SLC4A4: variants seen among roughly 807,000 people sequenced by gnomAD.
SLC4A4 encodes electrogenic sodium bicarbonate cotransporter 1.
SLC4A4 carries 27 observed loss-of-function variants against 111.5 expected under a neutral mutation model. That is an observed-to-expected ratio of 0.24 (90% CI 0.18 to 0.33). The LOEUF (loss-of-function observed/expected upper bound fraction) is 0.33. Ranked by LOEUF, SLC4A4 falls within the 10% of genes least tolerant of loss-of-function variation. The pLI is 1.00. For synonymous variants in SLC4A4, 443 were observed against 463.4 expected, an observed-to-expected ratio of 0.96 and a Z score of 0.57; for missense variants, 909 against 1,315.5, an observed-to-expected ratio of 0.69 and a Z score of 4.78.
chr4:71,556,212 T>C (rs912736289), intron 21 of SLC4A4, among the ~76,000 whole-genome samples: 8 of 151,906 alleles, frequency 5.3e-5, no homozygotes, highest in Non-Finnish European at 1.2e-4. Context: ...CTGAGTAGAG[T>C]TCGTCATCTT....
intron 8 of SLC4A4, among the ~76,000 whole-genome samples, chr4:71,444,490 A>G (rs1725048618): frequency 6.6e-6 from 1 of 152,224 alleles, no homozygotes; most frequent in Admixed American, 6.5e-5. Flanking sequence ...CTGTCAAAGT[A>G]GGCTGTGCCC....
At position 71,199,022 on chromosome 4, in the gene SLC4A4, C is replaced by G. The variant is rs1044432175; in HGVS notation, c.-2+11621C>G. On this transcript the variant is annotated intron_variant, in intron 1 of 25. Coordinates refer to ENST00000264485, the MANE Select transcript of SLC4A4 (RefSeq NM_001098484.3). ...TGGACATTTGGTAAATAGACCTAATCTTTTGGGTGGTTATTCTCTCTTTAC... is the reference window on the plus strand; with the variant it reads ...TGGACATTTGGTAAATAGACCTAATGTTTTGGGTGGTTATTCTCTCTTTAC... Among the ~76,000 whole-genome samples the G allele has an allele frequency of 2.6e-5, 4 of 152,138 alleles. No homozygotes were observed. In the South Asian group the frequency reaches 8.3e-4, roughly 32 times the overall value.
chr4:71,267,791 CAAAAAAAAAAA>C (rs71212002), intron 3 of SLC4A4, among the ~76,000 whole-genome samples: 6 of 62,360 alleles, frequency 9.6e-5, no homozygotes, highest in East Asian at 5.9e-4. Flanking sequence ...GAGAGTCTGC[CAAAAAAAAAAA>C]AAAAAAAAAA....
chr4:71,206,529 A>G (rs1019392860), intron 1 of SLC4A4, among the ~76,000 whole-genome samples: 9 of 152,188 alleles, frequency 5.9e-5, no homozygotes, highest in Admixed American at 2.6e-4. Context: ...GCTCAACTTC[A>G]GTAATTTGAA....
chr4:71,179,440 G>A (rs1745213833), intron 2 of SLC4A4, among the ~76,000 whole-genome samples: 1 of 152,200 alleles, frequency 6.6e-6, no homozygotes, highest in African/African-American at 2.4e-5. Flanking sequence ...TGACATGATT[G>A]TATATCTAGA....
At chr4:71,367,801 C>A (rs1406799133) in intron 6 of SLC4A4, among the ~76,000 whole-genome samples, 1 of 152,198 alleles carries the variant, frequency 6.6e-6, no homozygotes, top group African/African-American at 2.4e-5. Flanking sequence ...TAAACACAGA[C>A]AGATAAATTG....
chr4:71,401,834 A>T (rs1720392230), intron 7 of SLC4A4, among the ~76,000 whole-genome samples: 1 of 152,206 alleles, frequency 6.6e-6, no homozygotes, highest in Non-Finnish European at 1.5e-5. Context: ...GTGAAATTGT[A>T]GTCTGTAGAT....
chr4:71,421,505 C>A (rs1054581188), intron 7 of SLC4A4, among the ~76,000 whole-genome samples: 1 of 152,170 alleles, frequency 6.6e-6, no homozygotes, highest in Non-Finnish European at 1.5e-5. Flanking sequence ...ATCTACAGAA[C>A]TCTCCACCCC....
intron 3 of SLC4A4, among the ~76,000 whole-genome samples, chr4:71,292,833 G>GTTTTTTTTTTTTTTTTTTTT (rs1210782035): frequency 7.5e-6 from 1 of 133,386 alleles, no homozygotes; most frequent in African/African-American, 3.0e-5. Flanking sequence ...CTTACTTTTG[G>GTTTTTTTTTTTTTTTTTTTT]TTTTTTTTGT....
At chr4:71,078,777 G>A (rs149048430) in intron 1 of SLC4A4, among the ~76,000 whole-genome samples, 28 of 152,126 alleles carry the variant, frequency 1.8e-4, no homozygotes, top group African/African-American at 6.7e-4. Flanking sequence ...GGAGAATAAA[G>A]CATTGCTGCT....
intron 2 of SLC4A4, among the ~76,000 whole-genome samples, chr4:71,114,161 G>C (rs368314981): frequency 2.8e-4 from 43 of 152,244 alleles, no homozygotes; most frequent in African/African-American, 1.0e-3. Flanking sequence ...GAGGAGAATG[G>C]CATGAACCGG....
At chr4:71,267,791 C>CAAAAAAAAAAAAAAAAA (rs71212002) in intron 3 of SLC4A4, among the ~76,000 whole-genome samples, 12 of 62,356 alleles carry the variant, frequency 1.9e-4, no homozygotes, top group South Asian at 9.9e-4. Context: ...GAGAGTCTGC[C>CAAAAAAAAAAAAAAAAA]AAAAAAAAAA....
chr4:71,417,232 G>C (rs151024339), intron 7 of SLC4A4, among the ~76,000 whole-genome samples: 230 of 152,270 alleles, frequency 1.5e-3, no homozygotes, highest in African/African-American at 5.2e-3. Context: ...CTTTAGACCT[G>C]TCTTTAAAGT....
At chr4:71,212,902 A>G (rs184537445) in intron 1 of SLC4A4, among the ~76,000 whole-genome samples, 3 of 152,350 alleles carry the variant, frequency 2.0e-5, no homozygotes, top group Admixed American at 6.5e-5. Flanking sequence ...GGCCACATAT[A>G]TGACAGCAGT....
At chr4:71,378,317 C>T (rs1032662104) in intron 6 of SLC4A4, among the ~76,000 whole-genome samples, 4 of 152,174 alleles carry the variant, frequency 2.6e-5, no homozygotes, top group African/African-American at 9.7e-5. Flanking sequence ...GTGTGCTCTT[C>T]TTGGCAAGGC....
chr4:71,145,308 T>C (rs1744131433), intron 2 of SLC4A4, among the ~76,000 whole-genome samples: 1 of 152,200 alleles, frequency 6.6e-6, no homozygotes, highest in South Asian at 2.1e-4. Flanking sequence ...CACTTGATCA[T>C]GGTGGATAAG....
At chr4:71,391,782 G>A (rs999090920) in intron 6 of SLC4A4, among the ~76,000 whole-genome samples, 9 of 151,764 alleles carry the variant, frequency 5.9e-5, no homozygotes, top group Admixed American at 2.0e-4. Flanking sequence ...CCAAGAACAA[G>A]CATAAGACAT....
chr4:71,248,047 T>C (rs1261950542), intron 2 of SLC4A4, among the ~76,000 whole-genome samples: 1 of 152,220 alleles, frequency 6.6e-6, no homozygotes, highest in Non-Finnish European at 1.5e-5. Context: ...AGATTGAGGT[T>C]ATGGAAGGTG....
At chr4:71,242,690 A>G (rs1246793442) in intron 2 of SLC4A4, among the ~76,000 whole-genome samples, 1 of 151,550 alleles carries the variant, frequency 6.6e-6, no homozygotes, top group East Asian at 1.9e-4. Context: ...TTCTTTGGTT[A>G]TTATAATTTT....
Sources: gnomAD v4.1 joint callset for allele counts (sites outside exome capture counted in the v4.1 genomes callset) on GRCh38, gnomAD v4.1.1 for gene constraint, MANE v1.5 for transcripts, NCBI Gene and HGNC (gene_info 2026-07-23, HGNC 2026-07-21) for gene names.